UBASH3B: variants seen among roughly 807,000 people sequenced by gnomAD.
The protein encoded by UBASH3B is ubiquitin-associated and SH3 domain-containing protein B.
In UBASH3B, 37 loss-of-function variants were observed where a neutral mutation model predicts 83.4. The observed-to-expected ratio is 0.44, with a 90% confidence interval of 0.34 to 0.58. UBASH3B has a LOEUF of 0.58. Ranked by LOEUF, UBASH3B falls within the 20% of genes least tolerant of loss-of-function variation. The probability of loss-of-function intolerance (pLI) is 0.01; values close to 1 mark genes in which losing one functional copy is unlikely to be tolerated. For missense variants in UBASH3B, 657 were observed against 827.2 expected, an observed-to-expected ratio of 0.79 and a Z score of 2.52; for synonymous variants, 304 against 318.3, an observed-to-expected ratio of 0.96 and a Z score of 0.48.
At chr11:122,775,082 G>A (rs1472791668) in intron 1 of UBASH3B, among the ~76,000 whole-genome samples, 2 of 152,118 alleles carry the variant, frequency 1.3e-5, no homozygotes, top group Non-Finnish European at 2.9e-5. Flanking sequence ...ACTCCTTTAG[G>A]GCAGGGATCA....
At chr11:122,702,310 G>A (rs914931380) in intron 1 of UBASH3B, among the ~76,000 whole-genome samples, 2 of 152,152 alleles carry the variant, frequency 1.3e-5, no homozygotes, top group Admixed American at 1.3e-4. Context: ...AGAGAGAAGA[G>A]TCTAAAATAA....
chr11:122,807,795 C>G (rs1337298598), intron 12 of UBASH3B, among the ~76,000 whole-genome samples: 2 of 152,056 alleles, frequency 1.3e-5, no homozygotes, highest in Non-Finnish European at 2.9e-5. Context: ...CTCAAGTGGT[C>G]CTCCCTCCTC....
At chr11:122,771,649 T>C (rs1465701149) in intron 1 of UBASH3B, among the ~76,000 whole-genome samples, 2 of 152,042 alleles carry the variant, frequency 1.3e-5, no homozygotes, top group Non-Finnish European at 2.9e-5. Flanking sequence ...ACATAGAGCC[T>C]GTGGGCCAAC....
At chr11:122,722,000 C>T (rs1275937710) in intron 1 of UBASH3B, among the ~76,000 whole-genome samples, 2 of 152,216 alleles carry the variant, frequency 1.3e-5, no homozygotes, top group Admixed American at 6.5e-5. Context: ...ATGTTCATAT[C>T]TGTGGTATAA....
rs200829525 is a variant in UBASH3B at position 122,779,571 on chromosome 11, G to A, written c.477G>A (p.Ser159=). The A allele has an allele frequency of 6.6e-5, 107 of 1,614,148 alleles. No individual in the cohort carries two copies. In the East Asian group the frequency reaches 1.5e-3, roughly 23 times the overall value. ...TTVSRWKCKF[S]APLPLELYTS... ...TCAGTCGCTGGAAATGTAAGTTCTC[G>A]GCCCCGCTGCCCCTGGAGCTCTATA... Residue 159 remains serine (S), a synonymous_variant, in exon 4 of 14, where the codon TCG becomes TCA. Transcript: ENST00000284273.
At chr11:122,781,717 T>C (rs1405123708) in intron 4 of UBASH3B, among the ~76,000 whole-genome samples, 1 of 152,268 alleles carries the variant, frequency 6.6e-6, no homozygotes, top group Non-Finnish European at 1.5e-5. Context: ...TCTCCAGTTG[T>C]TGGCAGGACC....
Position 122,735,513 on chromosome 11 carries a change from C to T in UBASH3B, c.162-40706C>T, listed in dbSNP as rs527868250. Among the ~76,000 whole-genome samples the T allele has an allele frequency of 2.0e-5, 3 of 152,254 alleles. No individual in the cohort carries two copies. The East Asian group carries it at 5.8e-4, about 29-fold the overall frequency. Reference sequence around the variant, plus strand: ...TTAGTTATTAAACATTTGTTGAGCACCTAATATGTGATAGAGGCGAGAGGT... The same window carrying T: ...TTAGTTATTAAACATTTGTTGAGCATCTAATATGTGATAGAGGCGAGAGGT... On this transcript the variant is annotated intron_variant, in intron 1 of 13. Transcript: ENST00000284273.
chr11:122,789,457 G>A, intron 6 of UBASH3B, 149 bp downstream of exon 6: 1 of 869,590 alleles, frequency 1.1e-6, no homozygotes, highest in Non-Finnish European at 1.8e-6. Flanking sequence ...TTTGAGGCAT[G>A]GGGAAAATGC....
chr11:122,664,714 G>A (rs558999844), intron 1 of UBASH3B, among the ~76,000 whole-genome samples: 27 of 152,176 alleles, frequency 1.8e-4, no homozygotes, highest in Non-Finnish European at 3.5e-4. Context: ...TATCTATGAC[G>A]GTGAGGCCCA....
intron 1 of UBASH3B, among the ~76,000 whole-genome samples, chr11:122,721,791 A>G (rs1315477979): frequency 4.6e-5 from 7 of 152,200 alleles, no homozygotes; most frequent in Non-Finnish European, 1.0e-4. Context: ...ATAACTTCTT[A>G]GGCTTAGTAG....
intron 1 of UBASH3B, among the ~76,000 whole-genome samples, chr11:122,714,780 CAG>C (rs917121225): frequency 1.3e-5 from 2 of 152,152 alleles, no homozygotes; most frequent in Non-Finnish European, 2.9e-5. Flanking sequence ...TGTTGAAGAA[CAG>C]AGGTGTCTGG....
intron 1 of UBASH3B, chr11:122,773,929 A>G: frequency 1.0e-6 from 1 of 973,062 alleles, no homozygotes; most frequent in South Asian, 4.8e-5. Flanking sequence ...TGGTGCCACA[A>G]ATGCGTTTTC....
chr11:122,673,521 T>G (rs1338367168), intron 1 of UBASH3B, among the ~76,000 whole-genome samples: 2 of 152,050 alleles, frequency 1.3e-5, no homozygotes, highest in Non-Finnish European at 2.9e-5. Context: ...TAGCTAGGCA[T>G]GGTGGCGGGC....
At chr11:122,797,202 C>A in intron 9 of UBASH3B, 169 bp downstream of exon 9, 1 of 955,204 alleles carries the variant, frequency 1.0e-6, no homozygotes, top group Non-Finnish European at 1.5e-6. Context: ...ACACTGTGCT[C>A]AGCCCTGGGT....
rs1384039665 is a variant in UBASH3B at position 122,806,524 on chromosome 11, G to T, written c.1702+8G>T. ...GTGAATGTAAAAGTAAAGGTAAGTG[G>T]TATTATTCTGAACTCCATCTGTACA... On this transcript the variant is annotated splice_region_variant and intron_variant, in intron 12 of 13. Coordinates refer to ENST00000284273, the MANE Select transcript of UBASH3B (RefSeq NM_032873.5). This position sits in a 1 kb window ranked among gnomAD's most constrained non-coding sequence, Gnocchi z 4.0. The T allele has an allele frequency of 3.1e-6, 5 of 1,595,434 alleles. No individual in the cohort carries two copies. Among genetic ancestry groups the T allele is most frequent in the Non-Finnish European group, 4.3e-6 (5 of 1,173,602 alleles).
intron 1 of UBASH3B, among the ~76,000 whole-genome samples, chr11:122,679,079 A>G (rs1340882644): frequency 6.6e-6 from 1 of 152,220 alleles, no homozygotes; most frequent in African/African-American, 2.4e-5. Flanking sequence ...CACGTAGCCC[A>G]GAAAGCACAA....
chr11:122,663,483 C>T (rs1249120333), intron 1 of UBASH3B, among the ~76,000 whole-genome samples: 1 of 152,216 alleles, frequency 6.6e-6, no homozygotes, highest in African/African-American at 2.4e-5. Context: ...TGCTCCCCAC[C>T]CTCAGCTGCC....
At position 122,663,197 on chromosome 11, in the gene UBASH3B, G is replaced by A. The variant is rs577427767; in HGVS notation, c.161+6987G>A. Reference sequence around the variant, plus strand: ...TCACCATGTTGCCCAGGCTAGTCTCGAATTCCTGAGCTCAGGCAATCCGCC... The same window carrying A: ...TCACCATGTTGCCCAGGCTAGTCTCAAATTCCTGAGCTCAGGCAATCCGCC... On this transcript the variant is annotated intron_variant, in intron 1 of 13. Coordinates refer to ENST00000284273, the MANE Select transcript of UBASH3B (RefSeq NM_032873.5). Among the ~76,000 whole-genome samples, 96 of 152,130 alleles carry A rather than the reference G, an allele frequency of 6.3e-4. 1 individual carries two copies. The highest frequency in any genetic ancestry group is 2.3e-3 in the African/African-American group (94 of 41,512).
At chr11:122,712,839 C>T (rs1165723112) in intron 1 of UBASH3B, among the ~76,000 whole-genome samples, 1 of 145,096 alleles carries the variant, frequency 6.9e-6, no homozygotes, top group Non-Finnish European at 1.5e-5. Context: ...CAGGGATGTA[C>T]ATCTCTGAGC....
Sources: gnomAD v4.1 joint callset for allele counts (sites outside exome capture counted in the v4.1 genomes callset) on GRCh38, gnomAD v4.1.1 for gene constraint, Gnocchi (gnomAD v3.1) non-coding constraint, MANE v1.5 for transcripts, NCBI Gene and HGNC (gene_info 2026-07-23, HGNC 2026-07-21) for gene names.